CUX2: variants seen among roughly 807,000 people sequenced by gnomAD.
CUX2 encodes homeobox protein cut-like 2.
CUX2 carries 40 observed loss-of-function variants against 144.8 expected under a neutral mutation model. The ratio of observed to expected loss-of-function variants is 0.28; its 90% CI spans 0.21 to 0.36. CUX2 has a LOEUF of 0.36. CUX2 is among the 10% of genes least tolerant of loss of function. The pLI is 1.00. For missense variants in CUX2, 1,615 were observed against 1,994.0 expected, an observed-to-expected ratio of 0.81 and a Z score of 3.62; for synonymous variants, 827 against 875.6, an observed-to-expected ratio of 0.94 and a Z score of 0.98.
chr12:111,081,876 A>G (rs1871913400), intron 1 of CUX2, among the ~76,000 whole-genome samples: 1 of 152,086 alleles, frequency 6.6e-6, no homozygotes, highest in South Asian at 2.1e-4. Context: ...CAAAACTGTA[A>G]GACCACTTTG....
chr12:111,107,829 G>A (rs911039453), intron 1 of CUX2, among the ~76,000 whole-genome samples: 8 of 151,914 alleles, frequency 5.3e-5, no homozygotes, highest in African/African-American at 1.9e-4. Context: ...CTGACAAAAA[G>A]TTACAAAAAC....
intron 1 of CUX2, among the ~76,000 whole-genome samples, chr12:111,179,240 C>T (rs1879021491): frequency 6.6e-6 from 1 of 152,190 alleles, no homozygotes; most frequent in South Asian, 2.1e-4. Context: ...CCCAGCCCTG[C>T]CCCTGACTGA....
chr12:111,145,047 C>T (rs922306106), intron 1 of CUX2, among the ~76,000 whole-genome samples: 8 of 152,198 alleles, frequency 5.3e-5, no homozygotes, highest in Non-Finnish European at 8.8e-5. Context: ...TCCTAGCCTC[C>T]AGGCTGAGTT....
intron 1 of CUX2, among the ~76,000 whole-genome samples, chr12:111,104,097 A>G (rs732166): frequency 0.091 from 13,794 of 152,156 alleles, 2,074 homozygotes; most frequent in African/African-American, 0.31. Context: ...CTACTACTAA[A>G]AGCCTCCTCT....
At chr12:111,316,686 G>T (rs1045144307) in intron 16 of CUX2, among the ~76,000 whole-genome samples, 1 of 151,802 alleles carries the variant, frequency 6.6e-6, no homozygotes, top group Admixed American at 6.6e-5. Flanking sequence ...CTGAGGTCAA[G>T]TGATCGGCCT....
At chr12:111,281,841 C>T (rs994112472) in intron 4 of CUX2, among the ~76,000 whole-genome samples, 1 of 151,928 alleles carries the variant, frequency 6.6e-6, no homozygotes, top group Non-Finnish European at 1.5e-5. Flanking sequence ...GGGGAAGGCC[C>T]GTGAAGGAAA....
intron 1 of CUX2, among the ~76,000 whole-genome samples, chr12:111,197,043 C>T (rs1382309589): frequency 6.6e-6 from 1 of 152,110 alleles, no homozygotes; most frequent in African/African-American, 2.4e-5. Flanking sequence ...CTTGTAGAGG[C>T]ACTAAAAGAG....
rs1876246323 is a variant in CUX2, at chr12:111,140,575, C to T, written c.64-73625C>T. ...CCTCTTTTATATTAATAGGTTTCAT[C>T]CACTAGATGTTCTCCATTTACACGC... On this transcript the variant is annotated intron_variant, in intron 1 of 21. Coordinates refer to ENST00000261726, the MANE Select transcript of CUX2 (RefSeq NM_015267.4). Among the ~76,000 whole-genome samples the T allele has an allele frequency of 2.6e-5, 4 of 152,298 alleles. No homozygotes were observed. The South Asian group carries it at 8.3e-4, about 32-fold the overall frequency.
chr12:111,104,034 C>T (rs1243783192), intron 1 of CUX2, among the ~76,000 whole-genome samples: 1 of 152,222 alleles, frequency 6.6e-6, no homozygotes, highest in Non-Finnish European at 1.5e-5. Flanking sequence ...GAATGTCTTT[C>T]TTTTACCTAA....
At chr12:111,142,655 C>G (rs1876404179) in intron 1 of CUX2, among the ~76,000 whole-genome samples, 1 of 151,944 alleles carries the variant, frequency 6.6e-6, no homozygotes, top group Non-Finnish European at 1.5e-5. Flanking sequence ...CTTTTGTTAA[C>G]AGCAAAATAT....
At chr12:111,317,585 A>C (rs1352193012) in intron 16 of CUX2, among the ~76,000 whole-genome samples, 1 of 152,158 alleles carries the variant, frequency 6.6e-6, no homozygotes, top group Non-Finnish European at 1.5e-5. Context: ...CCTCTCCCAG[A>C]GATGTCTTTC....
chr12:111,167,249 T>C (rs2136160433), intron 1 of CUX2, among the ~76,000 whole-genome samples: 2 of 152,324 alleles, frequency 1.3e-5, no homozygotes, highest in Middle Eastern at 6.8e-3. Flanking sequence ...TCACCTGCAC[T>C]GAAGCTTAGG....
At chr12:111,081,429 T>A (rs996573252) in intron 1 of CUX2, among the ~76,000 whole-genome samples, 1 of 151,960 alleles carries the variant, frequency 6.6e-6, no homozygotes, top group Non-Finnish European at 1.5e-5. Flanking sequence ...TGTGGTGTAG[T>A]TTCTGTAAAT....
At chr12:111,296,933 C>T (rs1886032711) in intron 8 of CUX2, among the ~76,000 whole-genome samples, 2 of 149,878 alleles carry the variant, frequency 1.3e-5, no homozygotes, top group Non-Finnish European at 3.0e-5. Flanking sequence ...TACTTGCCTC[C>T]ACCCTCTGGC....
chr12:111,106,870 A>C (rs1380347040), intron 1 of CUX2, among the ~76,000 whole-genome samples: 1 of 152,208 alleles, frequency 6.6e-6, no homozygotes, highest in African/African-American at 2.4e-5. Context: ...AAAGAAGGAC[A>C]GGGGACAACC....
chr12:111,151,406 G>A (rs1161146777), intron 1 of CUX2, among the ~76,000 whole-genome samples: 1 of 152,188 alleles, frequency 6.6e-6, no homozygotes, highest in East Asian at 1.9e-4. Context: ...CTACTTTCAG[G>A]CCTCATCAGT....
At chr12:111,087,865 C>A (rs1158809770) in intron 1 of CUX2, among the ~76,000 whole-genome samples, 1 of 152,168 alleles carries the variant, frequency 6.6e-6, no homozygotes, top group Non-Finnish European at 1.5e-5. Context: ...TTCTCAGAAG[C>A]TTTATTCATG....
chr12:111,233,893 T>C (rs1296062402), intron 3 of CUX2, among the ~76,000 whole-genome samples: 3 of 152,028 alleles, frequency 2.0e-5, no homozygotes, highest in Admixed American at 6.6e-5. Flanking sequence ...TTGATAGAAG[T>C]TGTGGTGGGG....
intron 1 of CUX2, among the ~76,000 whole-genome samples, chr12:111,065,647 A>G (rs1361124226): frequency 6.6e-6 from 1 of 152,190 alleles, no homozygotes; most frequent in African/African-American, 2.4e-5. Flanking sequence ...CCCCTGTGTT[A>G]TTAATAGAAA....
Sources: allele counts gnomAD v4.1 joint callset (sites outside exome capture counted in the v4.1 genomes callset), GRCh38; gene constraint gnomAD v4.1.1; transcripts MANE v1.5; gene names NCBI Gene and HGNC (gene_info 2026-07-23, HGNC 2026-07-21).